DYNC1LI2: variants seen among roughly 807,000 people sequenced by gnomAD.
DYNC1LI2 encodes cytoplasmic dynein 1 light intermediate chain 2.
Under a neutral mutation model 57.8 loss-of-function variants are expected in DYNC1LI2, and 19 were observed. The observed-to-expected ratio is 0.33, with a 90% CI of 0.23 to 0.48. DYNC1LI2 has a LOEUF of 0.48. DYNC1LI2 is among the 20% of genes least tolerant of loss of function. DYNC1LI2 has a pLI of 0.99. For missense variants in DYNC1LI2, 470 were observed against 604.2 expected (o/e 0.78, Z 2.33); for synonymous variants, 256 against 233.4 (o/e 1.10, Z -0.88).
chr16:66,750,786 G>A (rs1039170168), intron 2 of DYNC1LI2, among the ~76,000 whole-genome samples: 2 of 152,152 alleles, frequency 1.3e-5, no homozygotes, highest in Admixed American at 6.6e-5. Flanking sequence ...AGGTAACCTA[G>A]CAGTGAGGGC....
At position 66,723,660 on chromosome 16, in the gene DYNC1LI2, G is replaced by A; in HGVS notation, c.*62C>T. On this transcript the variant is annotated 3_prime_UTR_variant, in exon 13 of 13. Transcript: ENST00000258198. ...CATGTGCCATATCAGAAAAATCCTG[G>A]TCTTAGCAGATCAATATACATAGTT... 6.8e-7 allele frequency: 1 copy of A among 1,480,054 alleles called. No homozygotes were observed. 91.7% of individuals were successfully genotyped at this position (1,480,054 alleles called of 1,614,324 possible).
chr16:66,744,506 G>A (rs913918849), intron 3 of DYNC1LI2, among the ~76,000 whole-genome samples: 5 of 152,000 alleles, frequency 3.3e-5, no homozygotes, highest in African/African-American at 1.2e-4. Context: ...TGAATACCAG[G>A]ATGATCTAAC....
At position 66,720,966 on chromosome 16, in the gene DYNC1LI2, A is replaced by T. The variant is rs1486983632; in HGVS notation, c.*2756T>A. 1 of 152,630 alleles carries T rather than the reference A, an allele frequency of 6.6e-6. No homozygotes were observed. Among genetic ancestry groups the T allele is most frequent in the Non-Finnish European group, 1.5e-5 (1 of 68,030 alleles). 9.5% of individuals were successfully genotyped at this position (152,630 alleles called of 1,614,324 possible). A position where few individuals can be genotyped will look rare whatever the true frequency, so the allele number is the denominator to read the frequency against. ...TCTTTTTTTCCCAGGACTAGAAAGC[A>T]AGGTTCCACATGACTGCATACTGCA... is the stretch of plus-strand genomic sequence containing the variant. On this transcript the variant is annotated 3_prime_UTR_variant, in exon 13 of 13. Coordinates refer to ENST00000258198, the MANE Select transcript of DYNC1LI2 (RefSeq NM_006141.3).
intron 11 of DYNC1LI2, among the ~76,000 whole-genome samples, chr16:66,727,130 C>A (rs1440744746): frequency 1.2e-4 from 18 of 152,168 alleles, no homozygotes; most frequent in Non-Finnish European, 1.5e-5. Flanking sequence ...GTTGCCCGGG[C>A]TAGTCTCGAA....
At position 66,728,242 on chromosome 16, in the gene DYNC1LI2, A is replaced by T; in HGVS notation, c.1102T>A (p.Ser368Thr). The T allele has an allele frequency of 6.2e-7, 1 of 1,614,098 alleles. No individual in the cohort carries two copies. Among genetic ancestry groups the T allele is most frequent in the Non-Finnish European group, 8.5e-7 (1 of 1,179,990 alleles). The change falls in exon 10 of 13, where the codon TCA (serine) becomes ACA (threonine). Residue 368 changes from serine to threonine, a missense_variant and splice_region_variant. Transcript: ENST00000258198. ...GTGGCTGGTTGCTTGGCAAGGAGTG[A>T]CTGCAAAGAGAGGGACAAACTGGCT... ...DEQVFLMKQQ[S>T]LLAKQPATPT...
rs201167681 is a variant in DYNC1LI2 at position 66,736,046 on chromosome 16, A to C, written c.699+29T>G. On this transcript the variant is annotated intron_variant, in intron 5 of 12. Coordinates refer to ENST00000258198, the MANE Select transcript of DYNC1LI2 (RefSeq NM_006141.3). ...TGGTGACTGTTCACCACCCGAACCCAGCCAAGCCAACAACCCCCTGGCACA... is the reference window on the plus strand; with the variant it reads ...TGGTGACTGTTCACCACCCGAACCCCGCCAAGCCAACAACCCCCTGGCACA... 14 of 1,602,418 alleles carry C rather than the reference A, an allele frequency of 8.7e-6. No homozygotes were observed. In the Middle Eastern group the frequency reaches 5.3e-4, roughly 61 times the overall value.
At position 66,749,285 on chromosome 16, in the gene DYNC1LI2, G is replaced by A; in HGVS notation, c.210C>T (p.Leu70=). ...FGEDGSGKTT[L]MTKLQGAEHG... is the part of the protein sequence containing the mutation. ...GCTCAGCTCCTTGTAGTTTAGTCAT[G>A]AGGGTTGTTTTACCAGAACCATCTT... is the stretch of plus-strand genomic sequence containing the variant. The change falls in exon 3 of 13, where the codon CTC becomes CTT. Residue 70 remains leucine (L), a synonymous_variant. Coordinates refer to ENST00000258198, the MANE Select transcript of DYNC1LI2 (RefSeq NM_006141.3). 1 of 1,614,210 alleles carries A rather than the reference G, an allele frequency of 6.2e-7. No homozygotes were observed. Among genetic ancestry groups the A allele is most frequent in the Non-Finnish European group, 8.5e-7 (1 of 1,180,040 alleles).
chr16:66,729,988 C>T, intron 8 of DYNC1LI2, 124 bp downstream of exon 8: 1 of 689,310 alleles, frequency 1.5e-6, no homozygotes, highest in Non-Finnish European at 2.3e-6. Flanking sequence ...GCCATGTTCG[C>T]CAGGCTGGTC....
chr16:66,724,427 T>G (rs1388677593), intron 12 of DYNC1LI2, among the ~76,000 whole-genome samples: 1 of 152,164 alleles, frequency 6.6e-6, no homozygotes, highest in South Asian at 2.1e-4. Flanking sequence ...CTGAGTTTCT[T>G]AGAACATAGG....
At chr16:66,725,764 G>A in intron 12 of DYNC1LI2, 64 bp downstream of exon 12, 4 of 1,527,106 alleles carry the variant, frequency 2.6e-6, no homozygotes, top group South Asian at 2.4e-5. Flanking sequence ...GCAGGTGTCT[G>A]CCTCTCCATC....
At chr16:66,747,959 G>T (rs1436421896) in intron 3 of DYNC1LI2, among the ~76,000 whole-genome samples, 1 of 152,038 alleles carries the variant, frequency 6.6e-6, no homozygotes, top group East Asian at 1.9e-4. Context: ...ACCAACCTAG[G>T]TACCAATGGT....
At chr16:66,740,015 C>A (rs1344689715) in intron 4 of DYNC1LI2, among the ~76,000 whole-genome samples, 2 of 152,162 alleles carry the variant, frequency 1.3e-5, no homozygotes, top group Non-Finnish European at 2.9e-5. Flanking sequence ...CAACTTTTCC[C>A]TCCTACCTCA....
chr16:66,729,022 C>T lies in DYNC1LI2; in HGVS notation c.1101+18G>A. 2 of 1,614,060 alleles carry T rather than the reference C, an allele frequency of 1.2e-6. No homozygotes were observed. Among genetic ancestry groups the T allele is most frequent in the South Asian group, 2.2e-5 (2 of 91,078 alleles). On this transcript the variant is annotated intron_variant, in intron 9 of 12. Coordinates refer to ENST00000258198, the MANE Select transcript of DYNC1LI2 (RefSeq NM_006141.3). ...ATGCATGAGAAGGCCTCTGTTCTAA[C>T]CTCACTGGTCTTCTTACCTGTTGCT... is the stretch of plus-strand genomic sequence containing the variant.
intron 3 of DYNC1LI2, among the ~76,000 whole-genome samples, chr16:66,743,741 T>C (rs1311380577): frequency 6.6e-6 from 1 of 152,186 alleles, no homozygotes; most frequent in African/African-American, 2.4e-5. Flanking sequence ...CCTTCTTGTG[T>C]TGGTCACACT....
In DYNC1LI2 at chr16:66,721,761, T is replaced by C. The variant is rs1333762218; in HGVS notation, c.*1961A>G. 1 of 152,640 alleles carries C rather than the reference T, an allele frequency of 6.6e-6. No homozygotes were observed. Among genetic ancestry groups the C allele is most frequent in the Non-Finnish European group, 1.5e-5 (1 of 68,032 alleles). The allele number at this position is 152,640 out of a possible 1,614,324, so 9.5% of individuals were successfully genotyped here. ...CACAAAAAGTGCTTATCAGTTCAAA[T>C]GATAAAAAATAAAGACAAATTAAAA... On this transcript the variant is annotated 3_prime_UTR_variant, in exon 13 of 13. Transcript: ENST00000258198.
intron 7 of DYNC1LI2, 122 bp from the exon 8 acceptor site, chr16:66,730,345 G>T: frequency 1.2e-6 from 1 of 823,194 alleles, no homozygotes; most frequent in South Asian, 1.9e-5. Context: ...AGTTGTTGGG[G>T]GTTGTTTGTA....
In DYNC1LI2 at chr16:66,742,655, G is replaced by A. The variant is rs1473903192; in HGVS notation, c.312C>T (p.Cys104=). The change falls in exon 4 of 13, where the codon TGC becomes TGT. Residue 104 remains cysteine, a synonymous_variant. Transcript: ENST00000258198. ...HDEDRDDHTR[C]NVWILDGDLY... ...AGTCTCCATCCAGAATCCACACGTT[G>A]CAGCGCGTGTGATCTGAGAAAACAA... is the stretch of plus-strand genomic sequence containing the variant. 1 of 1,614,140 alleles carries A rather than the reference G, an allele frequency of 6.2e-7. No homozygotes were observed. Among genetic ancestry groups the A allele is most frequent in the Admixed American group, 1.7e-5 (1 of 60,018 alleles).
At chr16:66,724,836 GAACA>G (rs1389928462) in intron 12 of DYNC1LI2, 1 of 151,964 alleles carries the variant, frequency 6.6e-6, no homozygotes, top group East Asian at 1.9e-4. Flanking sequence ...AAAAAAAATA[GAACA>G]AATAAAACAT....
At chr16:66,744,766 G>A (rs2017905052) in intron 3 of DYNC1LI2, among the ~76,000 whole-genome samples, 1 of 151,876 alleles carries the variant, frequency 6.6e-6, no homozygotes, top group Admixed American at 6.6e-5. Flanking sequence ...CACCACGTTG[G>A]CCAGGCTGGT....
Sources: gnomAD v4.1 joint callset for allele counts (sites outside exome capture counted in the v4.1 genomes callset) on GRCh38, gnomAD v4.1.1 for gene constraint, MANE v1.5 for transcripts, NCBI Gene and HGNC (gene_info 2026-07-23, HGNC 2026-07-21) for gene names.